DOCK4: variants seen among roughly 807,000 people sequenced by gnomAD.
DOCK4 encodes dedicator of cytokinesis protein 4.
In DOCK4, 97 loss-of-function variants were observed where a neutral mutation model predicts 268.1. That is an observed-to-expected ratio of 0.36 (90% CI 0.31 to 0.43). The LOEUF is 0.43. Ranked by LOEUF, DOCK4 falls within the 20% of genes least tolerant of loss-of-function variation. The pLI, the probability that DOCK4 is intolerant of heterozygous loss-of-function variation, is 1.00. For missense variants in DOCK4, 2,145 were observed against 2,455.7 expected, an observed-to-expected ratio of 0.87 and a Z score of 2.67; for synonymous variants, 954 against 887.2, an observed-to-expected ratio of 1.08 and a Z score of -1.34.
intron 42 of DOCK4, among the ~76,000 whole-genome samples, chr7:111,750,153 C>T (rs1796536774): frequency 6.6e-6 from 1 of 152,154 alleles, no homozygotes; most frequent in South Asian, 2.1e-4. Context: ...TCCTAGACCA[C>T]CTCGTCTTAC....
At chr7:112,081,690 C>T (rs934877221) in intron 1 of DOCK4, among the ~76,000 whole-genome samples, 12 of 151,998 alleles carry the variant, frequency 7.9e-5, no homozygotes, top group East Asian at 3.9e-4. Flanking sequence ...TTCCAGTGCC[C>T]GTCAATACTC....
At chr7:112,026,885 C>A (rs2135438006) in intron 1 of DOCK4, among the ~76,000 whole-genome samples, 1 of 152,236 alleles carries the variant, frequency 6.6e-6, no homozygotes, top group East Asian at 1.9e-4. Flanking sequence ...CTTTGAACTT[C>A]CACTGGAAAT....
intron 8 of DOCK4, among the ~76,000 whole-genome samples, chr7:111,962,945 C>T: frequency 6.6e-6 from 1 of 152,112 alleles, no homozygotes; most frequent in Admixed American, 6.5e-5. Context: ...AATAAAGGCC[C>T]ACGCCAGCAG....
intron 26 of DOCK4, among the ~76,000 whole-genome samples, chr7:111,823,208 T>TC (rs373449728): frequency 1.3e-4 from 19 of 147,622 alleles, no homozygotes; most frequent in African/African-American, 4.3e-4. Flanking sequence ...ATATTACTTT[T>TC]TTTTTTTTTT....
At chr7:111,986,083 T>C (rs1246009496) in intron 6 of DOCK4, among the ~76,000 whole-genome samples, 1 of 152,172 alleles carries the variant, frequency 6.6e-6, no homozygotes, top group East Asian at 1.9e-4. Context: ...CCACACCTGA[T>C]TGTACCATGG....
intron 8 of DOCK4, among the ~76,000 whole-genome samples, chr7:111,949,029 T>C (rs766626810): frequency 1.3e-5 from 2 of 152,222 alleles, no homozygotes; most frequent in African/African-American, 2.4e-5. Flanking sequence ...TTAAGGATGA[T>C]ATTTAGTCTG....
intron 27 of DOCK4, among the ~76,000 whole-genome samples, chr7:111,812,307 T>C (rs971829043): frequency 1.3e-5 from 2 of 152,224 alleles, no homozygotes; most frequent in Non-Finnish European, 2.9e-5. Flanking sequence ...TGAGACAGGG[T>C]CTTGCTCTGT....
At chr7:111,946,142 T>C (rs1307438874) in intron 8 of DOCK4, among the ~76,000 whole-genome samples, 1 of 152,226 alleles carries the variant, frequency 6.6e-6, no homozygotes. Flanking sequence ...GTTTCATGTG[T>C]CTGTAACTAA....
intron 1 of DOCK4, among the ~76,000 whole-genome samples, chr7:112,103,748 G>T (rs2135824580): frequency 6.6e-6 from 1 of 152,272 alleles, no homozygotes; most frequent in East Asian, 1.9e-4. Context: ...CAGGCATGGT[G>T]GCGCATGCCT....
At chr7:112,072,239 AATCT>A (rs1339526157) in intron 1 of DOCK4, among the ~76,000 whole-genome samples, 1 of 151,878 alleles carries the variant, frequency 6.6e-6, no homozygotes, top group Non-Finnish European at 1.5e-5. Context: ...GTGGAAAAAA[AATCT>A]ATCTATAACC....
chr7:111,983,862 G>GCGCGCACACACA, intron 7 of DOCK4, among the ~76,000 whole-genome samples: 21 of 138,644 alleles, frequency 1.5e-4, no homozygotes, highest in African/African-American at 5.9e-4. Flanking sequence ...GCGCGCGCGC[G>GCGCGCACACACA]CACACACACA....
chr7:112,083,285 T>G (rs1808765255), intron 1 of DOCK4, among the ~76,000 whole-genome samples: 1 of 152,092 alleles, frequency 6.6e-6, no homozygotes, highest in African/African-American at 2.4e-5. Flanking sequence ...TGCCTCAGGC[T>G]CTCACATCTA....
chr7:112,105,602 C>G, intron 1 of DOCK4, among the ~76,000 whole-genome samples: 1 of 149,290 alleles, frequency 6.7e-6, no homozygotes, highest in East Asian at 2.0e-4. Context: ...AAGGTTTCTT[C>G]TTTCTTCTTT....
rs147681419 is a variant in DOCK4, at chr7:111,933,000, T to C, written c.1066+2540A>G. ...CTAACAAATAGCAGCTCTACTATCT[T>C]ACTGAGGGGGTATTGAAATTAAACC... is the stretch of plus-strand genomic sequence containing the variant. On this transcript the variant is annotated intron_variant, in intron 12 of 52. Transcript: ENST00000428084. 3.0e-3 allele frequency among the ~76,000 whole-genome samples: 452 copies of C among 151,606 alleles called. 4 individuals carry two copies. Among genetic ancestry groups the C allele is most frequent in the African/African-American group, 0.011 (436 of 41,328 alleles).
At chr7:112,075,133 C>G (rs1807943713) in intron 1 of DOCK4, among the ~76,000 whole-genome samples, 1 of 152,156 alleles carries the variant, frequency 6.6e-6, no homozygotes, top group African/African-American at 2.4e-5. Context: ...TGTGGAAACA[C>G]TGATTGTGGA....
chr7:112,036,493 G>A (rs1035424178), intron 1 of DOCK4, among the ~76,000 whole-genome samples: 1 of 152,096 alleles, frequency 6.6e-6, no homozygotes, highest in Non-Finnish European at 1.5e-5. Context: ...TCATAACAGG[G>A]AGACAATATG....
intron 16 of DOCK4, among the ~76,000 whole-genome samples, chr7:111,887,871 CAGGA>C (rs1188898552): frequency 2.0e-5 from 3 of 151,362 alleles, no homozygotes; most frequent in Non-Finnish European, 4.4e-5. Flanking sequence ...CCAGAAGAGT[CAGGA>C]GGGAGGGAGA....
chr7:112,020,632 A>G (rs1204576683), intron 1 of DOCK4, among the ~76,000 whole-genome samples: 1 of 151,554 alleles, frequency 6.6e-6, no homozygotes, highest in Non-Finnish European at 1.5e-5. Flanking sequence ...CACAGAAGAT[A>G]GGCCAAAACT....
At chr7:111,939,253 C>T (rs376178686) in intron 11 of DOCK4, among the ~76,000 whole-genome samples, 6 of 152,202 alleles carry the variant, frequency 3.9e-5, no homozygotes, top group African/African-American at 4.8e-5. Context: ...TGGTGGCTCA[C>T]GCCTGTAATC....
Sources: allele counts gnomAD v4.1 joint callset (sites outside exome capture counted in the v4.1 genomes callset), GRCh38; gene constraint gnomAD v4.1.1; transcripts MANE v1.5; gene names NCBI Gene and HGNC (gene_info 2026-07-23, HGNC 2026-07-21).